REXO5: variants seen among roughly 807,000 people sequenced by gnomAD.
REXO5 encodes RNA exonuclease 5, also known as exonuclease NEF-sp.
A neutral mutation model predicts 88.5 loss-of-function variants in REXO5; 48 were observed. That is an observed-to-expected ratio of 0.54 (90% CI 0.43 to 0.69). The LOEUF (loss-of-function observed/expected upper bound fraction) is 0.69. Among genes scored for constraint, REXO5 ranks in the 30% least tolerant of loss-of-function variants. REXO5 has a pLI of 0.00. For synonymous variants in REXO5, 311 were observed against 336.5 expected (o/e 0.92, Z 0.83); for missense variants, 749 against 912.2 (o/e 0.82, Z 2.30).
At chr16:20,845,271 T>C (rs749130305) in intron 18 of REXO5, 30 bp downstream of exon 18, 41 of 1,597,302 alleles carry the variant, frequency 2.6e-5, no homozygotes, top group Non-Finnish European at 3.5e-5. Flanking sequence ...TTGGAGAAGA[T>C]GTCAGGAGAG....
chr16:20,818,025 C>T (rs2152501980), intron 5 of REXO5, among the ~76,000 whole-genome samples: 1 of 152,264 alleles, frequency 6.6e-6, no homozygotes, highest in East Asian at 1.9e-4. Context: ...TTGAATTTTA[C>T]AGTTTTCTTT....
At chr16:20,806,505 C>T (rs1275117388), upstream of REXO5, 6 of 1,544,010 alleles carry the variant, frequency 3.9e-6, no homozygotes, top group African/African-American at 1.4e-5. Context: ...GTTCAAAAAG[C>T]CCGCGAGGCT....
At chr16:20,818,763 A>C (rs1237065519) in intron 5 of REXO5, among the ~76,000 whole-genome samples, 1 of 152,192 alleles carries the variant, frequency 6.6e-6, no homozygotes, top group Non-Finnish European at 1.5e-5. Flanking sequence ...GAGCCACTGC[A>C]CTTGGCCTTT....
Position 20,845,188 on chromosome 16 carries a change from A to G in REXO5, c.2071A>G (p.Arg691Gly). 1 of 1,613,966 alleles carries G rather than the reference A, an allele frequency of 6.2e-7. No individual in the cohort carries two copies. The highest frequency in any genetic ancestry group is 8.5e-7 in the Non-Finnish European group (1 of 1,179,964). Residue 691 changes from arginine to glycine, a missense_variant, in exon 18 of 20, where the codon AGG becomes GGG. Coordinates refer to ENST00000261377, the MANE Select transcript of REXO5 (RefSeq NM_030941.3). ...CAGAGGCTTACCACCTGAATCAACAAGGCTCCCAGGGCTTCGTGTTGTACC... is the reference window on the plus strand; with the variant it reads ...CAGAGGCTTACCACCTGAATCAACAGGGCTCCCAGGGCTTCGTGTTGTACC... ...WLRGLPPESTRLPGLRVVPPP... is the reference protein window; with the variant it reads ...WLRGLPPESTGLPGLRVVPPP...
rs540163177 is a variant in REXO5 at position 20,826,961 on chromosome 16, A to T, written c.822-97A>T. 343 of 1,223,438 alleles carry T rather than the reference A, an allele frequency of 2.8e-4. 2 individuals carry two copies. In the African/African-American group the frequency reaches 4.8e-3, roughly 17 times the overall value. 75.8% of individuals were successfully genotyped at this position (1,223,438 alleles called of 1,614,324 possible). A position where few individuals can be genotyped will look rare whatever the true frequency, so the allele number is the denominator to read the frequency against. ...TTTGGACACTAAGCATATATATATTAACAGTAATTTTAAAAAATGTTATTT... is the reference window on the plus strand; with the variant it reads ...TTTGGACACTAAGCATATATATATTTACAGTAATTTTAAAAAATGTTATTT... On this transcript the variant is annotated intron_variant, in intron 8 of 19. Coordinates refer to ENST00000261377, the MANE Select transcript of REXO5 (RefSeq NM_030941.3).
chr16:20,839,988 A>C (rs2081501038), intron 14 of REXO5, 129 bp downstream of exon 14: 2 of 631,828 alleles, frequency 3.2e-6, no homozygotes, highest in Non-Finnish European at 5.4e-6. Flanking sequence ...CTGCATATTA[A>C]CATTTAAAAA....
chr16:20,837,869 G>A (rs758985400), intron 13 of REXO5, among the ~76,000 whole-genome samples: 3 of 152,108 alleles, frequency 2.0e-5, no homozygotes, highest in Non-Finnish European at 2.9e-5. Flanking sequence ...GGGCTCAAGC[G>A]ATCCTCCTGC....
At chr16:20,814,842 C>T (rs896089897) in intron 3 of REXO5, 85 bp from the exon 4 acceptor site, 132 of 1,342,522 alleles carry the variant, frequency 9.8e-5, no homozygotes, top group Non-Finnish European at 1.2e-4. Flanking sequence ...GCTTTTCCTG[C>T]GCCTTCTCCC....
chr16:20,812,833 C>T (rs565218332), intron 2 of REXO5, among the ~76,000 whole-genome samples: 1 of 152,296 alleles, frequency 6.6e-6, no homozygotes, highest in East Asian at 1.9e-4. Context: ...CAGTTAGACT[C>T]CTTGTTCTCA....
At chr16:20,848,239 CGTT>C (rs5816140) in intron 19 of REXO5, among the ~76,000 whole-genome samples, 7,529 of 152,002 alleles carry the variant, frequency 0.05, 407 homozygotes, top group African/African-American at 0.13. Flanking sequence ...TCTTGGGAAA[CGTT>C]GGGGAAAAAA....
intron 4 of REXO5, 66 bp downstream of exon 4, chr16:20,815,119 T>G (rs894018889): frequency 1.3e-6 from 2 of 1,519,276 alleles, no homozygotes; most frequent in African/African-American, 2.8e-5. Context: ...AATACATGTG[T>G]CAGGGACCAT....
rs369968393 is a variant in REXO5 at position 20,840,396 on chromosome 16, C to T, written c.1554C>T (p.Leu518=). 16 of 1,588,136 alleles carry T rather than the reference C, an allele frequency of 1.0e-5. No homozygotes were observed. The highest frequency in any genetic ancestry group is 1.3e-5 in the Non-Finnish European group (15 of 1,160,784). ...GGCCATTTAGCAAAAATTGCAATCT[C>T]AGGGCTCTGAAGAGGCTGTTTAAAA... The part of the protein sequence containing the change: ...YAGPFSKNCN[L]RALKRLFKSF... The change falls in exon 15 of 20, where the codon CTC becomes CTT. Residue 518 remains leucine (L), a synonymous_variant. Coordinates refer to ENST00000261377, the MANE Select transcript of REXO5 (RefSeq NM_030941.3).
In REXO5 at chr16:20,806,531, T is replaced by C. The variant is rs1254700387; in HGVS notation, c.-177T>C. Reference sequence around the variant, plus strand: ...CCGCGAGGCTGAGGGGCGGTTGTTGTTGGCAGCTGTGGCTAAGGAGGGGAG... The same window carrying C: ...CCGCGAGGCTGAGGGGCGGTTGTTGCTGGCAGCTGTGGCTAAGGAGGGGAG... On this transcript the variant is annotated 5_prime_UTR_variant, in exon 1 of 20. Coordinates refer to ENST00000261377, the MANE Select transcript of REXO5 (RefSeq NM_030941.3). 1.3e-6 allele frequency: 2 copies of C among 1,531,506 alleles called. No individual in the cohort carries two copies. The highest frequency in any genetic ancestry group is 1.7e-4 in the Middle Eastern group (1 of 5,958). The allele number at this position is 1,531,506 out of a possible 1,614,324, so 94.9% of individuals were successfully genotyped here. A position where few individuals can be genotyped will look rare whatever the true frequency, so the allele number is the denominator to read the frequency against.
rs781619658 is a variant in REXO5 at position 20,807,020 on chromosome 16, A to C, written c.67A>C (p.Asn23His). 1 of 1,603,130 alleles carries C rather than the reference A, an allele frequency of 6.2e-7. No individual in the cohort carries two copies. The highest frequency in any genetic ancestry group is 1.7e-5 in the Admixed American group (1 of 58,178). Reference sequence around the variant, plus strand: ...GGTCAGGGAAAGCAGGCAGGCCCCAAATAAGCTGGTCGGGGCAGCTGAGGC... The same window carrying C: ...GGTCAGGGAAAGCAGGCAGGCCCCACATAAGCTGGTCGGGGCAGCTGAGGC... ...RKVRESRQAP[N>H]KLVGAAEAMK... The change falls in exon 2 of 20, where the codon AAT becomes CAT. Residue 23 changes from asparagine to histidine, a missense_variant. By Grantham distance (68) the Asn-to-His change is moderately conservative (BLOSUM62 1). Transcript: ENST00000261377.
At chr16:20,839,715 T>G in intron 13 of REXO5, 40 bp from the exon 14 acceptor site, 279 of 1,382,766 alleles carry the variant, frequency 2.0e-4, no homozygotes, top group Middle Eastern at 5.4e-4. Context: ...CAATAGAGTA[T>G]GAGGTTCCTA....
chr16:20,830,878 T>C (rs2081331257), intron 11 of REXO5, among the ~76,000 whole-genome samples: 1 of 152,134 alleles, frequency 6.6e-6, no homozygotes, highest in Non-Finnish European at 1.5e-5. Flanking sequence ...GACTCTGGGT[T>C]ACAATATCTA....
intron 5 of REXO5, among the ~76,000 whole-genome samples, 173 bp downstream of exon 5, chr16:20,816,385 G>A (rs142659070): frequency 4.2e-4 from 63 of 151,780 alleles, no homozygotes; most frequent in African/African-American, 1.5e-3. Flanking sequence ...GTGCAGTGGC[G>A]TGATCACACG....
In REXO5 at chr16:20,806,947, C is replaced by T; in HGVS notation, c.-2-5C>T. Reference sequence around the variant, plus strand: ...TCCCCAGCTCTACCTCATCTTTCTCCACAGCCATGGAGCCAGAGAGGGAAG... The same window carrying T: ...TCCCCAGCTCTACCTCATCTTTCTCTACAGCCATGGAGCCAGAGAGGGAAG... On this transcript the variant is annotated splice_region_variant and splice_polypyrimidine_tract_variant and intron_variant, in intron 1 of 19. Coordinates refer to ENST00000261377, the MANE Select transcript of REXO5 (RefSeq NM_030941.3). 1 of 1,581,358 alleles carries T rather than the reference C, an allele frequency of 6.3e-7. No individual in the cohort carries two copies. Among genetic ancestry groups the T allele is most frequent in the South Asian group, 1.2e-5 (1 of 86,620 alleles).
chr16:20,824,331 A>G (rs975863301), intron 6 of REXO5, 108 bp from the exon 7 acceptor site: 2 of 635,056 alleles, frequency 3.1e-6, no homozygotes, highest in African/African-American at 3.7e-5. Context: ...TAACATACCA[A>G]CATATCTGAC....
Sources: allele counts gnomAD v4.1 joint callset (sites outside exome capture counted in the v4.1 genomes callset), GRCh38; gene constraint gnomAD v4.1.1; transcripts MANE v1.5; gene names NCBI Gene and HGNC (gene_info 2026-07-23, HGNC 2026-07-21).